MYO9B: variants seen among roughly 807,000 people sequenced by gnomAD.
MYO9B encodes unconventional myosin-IXb.
Under a neutral mutation model 229.5 loss-of-function variants are expected in MYO9B, and 71 were observed. That is an observed-to-expected ratio of 0.31 (90% CI 0.26 to 0.38). MYO9B has a LOEUF of 0.38. Ranked by LOEUF, MYO9B falls within the 10% of genes least tolerant of loss-of-function variation. MYO9B has a pLI of 1.00. For synonymous variants in MYO9B, 1,185 were observed against 1,235.8 expected (o/e 0.96, Z 0.86); for missense variants, 2,255 against 2,920.5 (o/e 0.77, Z 5.25).
rs1470707322 is a variant in MYO9B, at chr19:17,191,185, T to C, written c.2777T>C (p.Ile926Thr). The C allele has an allele frequency of 2.5e-6, 4 of 1,612,290 alleles. No homozygotes were observed. The highest frequency in any genetic ancestry group is 1.1e-5 in the South Asian group (1 of 90,756). ...TCCACCCTCCTGGAGAAAATGAAGA[T>C]AGACAAGAGGAACTACCAGATCGGG... ...VISTLLEKMK[I>T]DKRNYQIGKT... is the part of the protein sequence containing the mutation. Residue 926 changes from isoleucine (I) to threonine (T), a missense_variant, in exon 20 of 40, where the codon ATA becomes ACA. By Grantham distance (89) the Ile-to-Thr change is moderately conservative. This residue lies in a region of MYO9B where 679 missense variants were observed against 770.2 expected (regional missense o/e 0.88). Coordinates refer to ENST00000682292, the MANE Select transcript of MYO9B (RefSeq NM_004145.4).
intron 35 of MYO9B, among the ~76,000 whole-genome samples, chr19:17,209,169 G>C (rs1052385711): frequency 6.6e-6 from 1 of 152,184 alleles, no homozygotes; most frequent in Non-Finnish European, 1.5e-5. Flanking sequence ...TCCGAGCTGA[G>C]ACCCTCTGAT....
intron 11 of MYO9B, among the ~76,000 whole-genome samples, chr19:17,169,802 CTTTTT>C (rs762583073): frequency 0.025 from 2,620 of 106,330 alleles, 201 homozygotes; most frequent in African/African-American, 0.1. Flanking sequence ...CTGTCTCCTC[CTTTTT>C]TTTTTTTTTT....
Position 17,209,607 on chromosome 19 carries a change from G to A in MYO9B, c.5646G>A (p.Lys1882=), listed in dbSNP as rs770358354. The change falls in exon 36 of 40, where the codon AAG becomes AAA. Residue 1882 remains lysine (K), a synonymous_variant. Coordinates refer to ENST00000682292, the MANE Select transcript of MYO9B (RefSeq NM_004145.4). The part of the protein sequence containing the change: ...KITTCVEMLI[K]EQMRKYKVKM... ...GTAGGTGCGTGGAGATGCTGATCAA[G>A]GAGCAGATGAGGAAATACAAAGTGA... 3 of 1,599,982 alleles carry A rather than the reference G, an allele frequency of 1.9e-6. No individual in the cohort carries two copies. The highest frequency in any genetic ancestry group is 2.6e-6 in the Non-Finnish European group (3 of 1,173,518).
intron 30 of MYO9B, among the ~76,000 whole-genome samples, chr19:17,203,616 A>C (rs1458062064): frequency 6.6e-6 from 1 of 150,608 alleles, no homozygotes; most frequent in Admixed American, 6.6e-5. Context: ...CTGTCTCAAA[A>C]AAAAAAAAAA....
intron 5 of MYO9B, 27 bp from the exon 6 acceptor site, chr19:17,154,288 C>T (rs1300551829): frequency 1.2e-6 from 2 of 1,600,618 alleles, no homozygotes; most frequent in Admixed American, 3.4e-5. Flanking sequence ...CAGGAATGCC[C>T]AGAGTACCCA....
intron 1 of MYO9B, among the ~76,000 whole-genome samples, chr19:17,079,365 G>A (rs1568648442): frequency 6.6e-6 from 1 of 152,194 alleles, no homozygotes; most frequent in Non-Finnish European, 1.5e-5. Flanking sequence ...TGGGAGGGTA[G>A]GCAACGTGCC....
intron 2 of MYO9B, among the ~76,000 whole-genome samples, chr19:17,123,459 T>TGTGTGTGTGTGA (rs918388744): frequency 6.7e-6 from 1 of 149,440 alleles, no homozygotes; most frequent in African/African-American, 2.5e-5. Context: ...TGTGTGTGTG[T>TGTGTGTGTGTGA]GATGGAGTTT....
At chr19:17,158,705 C>T (rs2072564463) in intron 7 of MYO9B, among the ~76,000 whole-genome samples, 1 of 152,132 alleles carries the variant, frequency 6.6e-6, no homozygotes, top group African/African-American at 2.4e-5. Flanking sequence ...ATGAGCGTGT[C>T]GGCTGTCTGG....
intron 2 of MYO9B, among the ~76,000 whole-genome samples, chr19:17,133,973 G>C (rs554947984): frequency 2.0e-5 from 3 of 151,952 alleles, no homozygotes; most frequent in African/African-American, 7.2e-5. Context: ...GTGTTAGCCA[G>C]GATGATCTCG....
At chr19:17,087,249 G>T (rs1356120050) in intron 1 of MYO9B, among the ~76,000 whole-genome samples, 1 of 152,196 alleles carries the variant, frequency 6.6e-6, no homozygotes, top group Non-Finnish European at 1.5e-5. Context: ...ACGGGGAGGC[G>T]GGTGGCCAGA....
chr19:17,183,736 C>A, intron 15 of MYO9B, 93 bp from the exon 16 acceptor site: 1 of 1,084,996 alleles, frequency 9.2e-7, no homozygotes, highest in Non-Finnish European at 1.3e-6. Flanking sequence ...CTGTGTCTCT[C>A]AGTCTAACCC....
At chr19:17,197,594 C>T (rs1038908347) in intron 22 of MYO9B, among the ~76,000 whole-genome samples, 198 bp from the exon 23 acceptor site, 3 of 152,148 alleles carry the variant, frequency 2.0e-5, no homozygotes, top group African/African-American at 7.2e-5. Context: ...CCCTGCCCTC[C>T]ACTCACCAGA....
chr19:17,206,049 G>C lies in MYO9B; in HGVS notation c.5154G>C (p.Lys1718Asn). The change falls in exon 32 of 40, where the codon AAG (lysine) becomes AAC (asparagine). Residue 1718 changes from lysine (K) to asparagine (N), a missense_variant. Physicochemically the swap from Lys to Asn is moderately conservative, Grantham distance 94. This residue lies in a region of MYO9B where 416 missense variants were observed against 605.5 expected (regional missense o/e 0.69). Transcript: ENST00000682292. ...DKASVPIVLE[K>N]LLEHVEMHGL... ...CCTCGGTGCCCATCGTGCTGGAGAA[G>C]CTCCTGGAACACGTGGAGATGCACG... is the stretch of plus-strand genomic sequence containing the variant. The C allele has an allele frequency of 6.2e-7, 1 of 1,610,670 alleles. No homozygotes were observed. The highest frequency in any genetic ancestry group is 8.5e-7 in the Non-Finnish European group (1 of 1,177,966).
At chr19:17,164,184 C>T (rs1180705041) in intron 10 of MYO9B, among the ~76,000 whole-genome samples, 1 of 152,098 alleles carries the variant, frequency 6.6e-6, no homozygotes, top group Non-Finnish European at 1.5e-5. Context: ...GGTGAACTTG[C>T]CCCAGAATTT....
chr19:17,206,028 G>A lies in MYO9B; in HGVS notation c.5133G>A (p.Ser1711=), dbSNP rs774531645. ...CVDSLTSDKA[S]VPIVLEKLLE... ...ACAGCCTGACCAGCGACAAGGCCTC[G>A]GTGCCCATCGTGCTGGAGAAGCTCC... The change falls in exon 32 of 40, where the codon TCG becomes TCA. Residue 1711 remains serine, a synonymous_variant. Transcript: ENST00000682292. 1.9e-5 allele frequency: 31 copies of A among 1,608,390 alleles called. No homozygotes were observed. Among genetic ancestry groups the A allele is most frequent in the African/African-American group, 4.0e-5 (3 of 74,844 alleles).
chr19:17,120,544 A>T (rs550233931), intron 2 of MYO9B, among the ~76,000 whole-genome samples: 1 of 149,458 alleles, frequency 6.7e-6, no homozygotes, highest in African/African-American at 2.4e-5. Context: ...CTGAGGCAGG[A>T]GGATCGTTTG....
intron 20 of MYO9B, 39 bp from the exon 21 acceptor site, chr19:17,192,707 G>T: frequency 1.4e-6 from 2 of 1,480,268 alleles, no homozygotes; most frequent in Non-Finnish European, 9.0e-7. Context: ...TGGTGTCAGG[G>T]GCAGTGCAGC....
intron 14 of MYO9B, among the ~76,000 whole-genome samples, chr19:17,178,180 C>G: frequency 6.6e-6 from 1 of 152,208 alleles, no homozygotes. Context: ...GTTGCCTTTG[C>G]TCTGCCTCCC....
At chr19:17,084,624 G>T (rs942516177) in intron 1 of MYO9B, among the ~76,000 whole-genome samples, 8 of 151,388 alleles carry the variant, frequency 5.3e-5, no homozygotes, top group African/African-American at 1.9e-4. Flanking sequence ...AACACTTTGG[G>T]AGGCTGAGGC....
Sources: gnomAD v4.1 joint callset for allele counts (sites outside exome capture counted in the v4.1 genomes callset) on GRCh38, gnomAD v4.1.1 for gene constraint, gnomAD v4.1.1 regional missense constraint, MANE v1.5 for transcripts, NCBI Gene and HGNC (gene_info 2026-07-23, HGNC 2026-07-21) for gene names.